TRIM48: variants seen among roughly 807,000 people sequenced by gnomAD.
TRIM48 encodes E3 ubiquitin-protein ligase TRIM48.
TRIM48 carries 31 observed loss-of-function variants against 29.5 expected under a neutral mutation model. The ratio of observed to expected loss-of-function variants is 1.05; its 90% CI spans 0.79 to 1.42. The LOEUF (loss-of-function observed/expected upper bound fraction) is 1.42, where lower values mean the gene tolerates loss of function less well. Among genes scored for constraint, TRIM48 ranks in the 40% most tolerant of loss-of-function variants. TRIM48 has a pLI of 0.00. For missense variants in TRIM48, 344 were observed against 265.0 expected (o/e 1.30, Z -2.07); for synonymous variants, 128 against 90.6 (o/e 1.41, Z -2.34).
intron 1 of TRIM48, among the ~76,000 whole-genome samples, chr11:55,263,861 G>T (rs1277201944): frequency 1.3e-5 from 2 of 152,162 alleles, no homozygotes; most frequent in Admixed American, 6.6e-5. Context: ...AAGGCTGAAA[G>T]CCTCAGAACC....
chr11:55,271,070 A>C lies in TRIM48; in HGVS notation c.*635A>C. 1.7e-6 allele frequency: 2 copies of C among 1,208,546 alleles called. No individual in the cohort carries two copies. Among genetic ancestry groups the C allele is most frequent in the Non-Finnish European group, 1.1e-6 (1 of 881,608 alleles). The allele number at this position is 1,208,546 out of a possible 1,614,324, so 74.9% of individuals were successfully genotyped here. ...TTGAATTGCATTCTAATGTTATTAA[A>C]ACTCATTTATTGTGTTACTATTAAA... On this transcript the variant is annotated 3_prime_UTR_variant, in exon 6 of 6. Coordinates refer to ENST00000417545, the MANE Select transcript of TRIM48 (RefSeq NM_024114.5).
At position 55,270,766 on chromosome 11, in the gene TRIM48, A is replaced by G. The variant is rs1857472306; in HGVS notation, c.*331A>G. On this transcript the variant is annotated 3_prime_UTR_variant, in exon 6 of 6. Coordinates refer to ENST00000417545, the MANE Select transcript of TRIM48 (RefSeq NM_024114.5). Reference sequence around the variant, plus strand: ...GTGCAGTCTCTTTACCACCTCCCCAATTACACTGCAGTATGTCCCAAGACC... The same window carrying G: ...GTGCAGTCTCTTTACCACCTCCCCAGTTACACTGCAGTATGTCCCAAGACC... 3.2e-6 allele frequency: 5 copies of G among 1,571,364 alleles called. No individual in the cohort carries two copies. Among genetic ancestry groups the G allele is most frequent in the Admixed American group, 3.4e-5 (2 of 58,270 alleles).
Position 55,270,980 on chromosome 11 carries a change from T to C in TRIM48, c.*545T>C. The stretch of plus-strand genomic sequence containing the variant: ...TGTGTTCATCTGCTGTGGGAACCCC[T>C]TTATCCCAGAAAGCCCTCTTCCTTG... On this transcript the variant is annotated 3_prime_UTR_variant, in exon 6 of 6. Coordinates refer to ENST00000417545, the MANE Select transcript of TRIM48 (RefSeq NM_024114.5). The C allele has an allele frequency of 2.6e-6, 4 of 1,524,692 alleles. No homozygotes were observed. The highest frequency in any genetic ancestry group is 1.5e-5 in the African/African-American group (1 of 67,838). The allele number at this position is 1,524,692 out of a possible 1,614,324, so 94.4% of individuals were successfully genotyped here.
At chr11:55,263,845 G>A (rs1237214899) in intron 1 of TRIM48, among the ~76,000 whole-genome samples, 1 of 152,164 alleles carries the variant, frequency 6.6e-6, no homozygotes, top group African/African-American at 2.4e-5. Flanking sequence ...TATCTTGACT[G>A]ATCTCAAGGC....
intron 3 of TRIM48, among the ~76,000 whole-genome samples, chr11:55,267,163 G>GT (rs3974158): frequency 0.017 from 2,411 of 146,036 alleles, 206 homozygotes; most frequent in African/African-American, 0.036. Flanking sequence ...TTCAAATTGT[G>GT]TTTTTTTTTA....
At chr11:55,266,010 C>T (rs1433207753) in intron 3 of TRIM48, among the ~76,000 whole-genome samples, 2 of 147,204 alleles carry the variant, frequency 1.4e-5, no homozygotes, top group Non-Finnish European at 3.0e-5. Flanking sequence ...TGGATAAATG[C>T]TGGGCATAAG....
At chr11:55,262,634 ATAT>A (rs1356154697) in intron 1 of TRIM48, among the ~76,000 whole-genome samples, 7 of 152,090 alleles carry the variant, frequency 4.6e-5, no homozygotes, top group Non-Finnish European at 8.8e-5. Context: ...GAGTGTATTA[ATAT>A]TATACAATTG....
In TRIM48 at chr11:55,268,694, T is replaced by C. The variant is rs181168779; in HGVS notation, c.578+322T>C. ...AAGCAGGAGAGAAGTGGGGGAAGTA[T>C]TTTAGCAGTGAAAAAGTTGATGATT... On this transcript the variant is annotated intron_variant, in intron 4 of 5. Transcript: ENST00000417545. 9.7e-4 allele frequency among the ~76,000 whole-genome samples: 144 copies of C among 147,902 alleles called. 11 individuals are homozygous for C. The highest frequency in any genetic ancestry group is 1.6e-3 in the Non-Finnish European group (107 of 66,934).
In TRIM48 at chr11:55,265,191, C is replaced by A. The variant is rs764608818; in HGVS notation, c.336C>A (p.His112Gln). Residue 112 changes from histidine (H) to glutamine (Q), a missense_variant, in exon 2 of 6, where the codon CAC becomes CAA. Coordinates refer to ENST00000417545, the MANE Select transcript of TRIM48 (RefSeq NM_024114.5). ...LSSEEQMCGIHRETKKMFCEV... is the reference protein window; with the variant it reads ...LSSEEQMCGIQRETKKMFCEV... ...CTGAGGAGCAAATGTGTGGCATTCA[C>A]AGGGAGACAAAGAAGATGTTCTGTG... The A allele has an allele frequency of 3.2e-6, 5 of 1,582,804 alleles. 2 individuals carry two copies. The South Asian group carries it at 6.0e-5, about 19-fold the overall frequency.
chr11:55,263,450 C>G (rs1010313779), intron 1 of TRIM48, among the ~76,000 whole-genome samples: 1 of 151,730 alleles, frequency 6.6e-6, no homozygotes, highest in African/African-American at 2.4e-5. Context: ...GCCGGGAGTT[C>G]AAGTCCAGCC....
In TRIM48 at chr11:55,270,668, G is replaced by A. The variant is rs542088830; in HGVS notation, c.*233G>A. On this transcript the variant is annotated 3_prime_UTR_variant, in exon 6 of 6. Transcript: ENST00000417545. Reference sequence around the variant, plus strand: ...GGTGTCTGTAATAAGTATTGGAAAGGGAAGAATCAGAATGGCAATATATAT... The same window carrying A: ...GGTGTCTGTAATAAGTATTGGAAAGAGAAGAATCAGAATGGCAATATATAT... 13 of 1,577,404 alleles carry A rather than the reference G, an allele frequency of 8.2e-6. 2 individuals are homozygous for A. The South Asian group carries it at 8.4e-5, about 10-fold the overall frequency.
chr11:55,264,001 G>T (rs191924904), intron 1 of TRIM48, among the ~76,000 whole-genome samples: 1 of 151,982 alleles, frequency 6.6e-6, no homozygotes, highest in Non-Finnish European at 1.5e-5. Context: ...CAACTCACAT[G>T]TCTCTCTCCT....
intron 1 of TRIM48, 52 bp downstream of exon 1, chr11:55,262,363 A>G: frequency 4.6e-6 from 6 of 1,311,084 alleles, no homozygotes; most frequent in Non-Finnish European, 6.4e-6. Context: ...TTACAAAATA[A>G]TAAATTAGAG....
chr11:55,264,589 AG>A (rs1443251138), intron 1 of TRIM48, among the ~76,000 whole-genome samples: 1 of 147,840 alleles, frequency 6.8e-6, no homozygotes, highest in Non-Finnish European at 1.5e-5. Context: ...AATTTATTCT[AG>A]GCTACTTAGA....
chr11:55,268,316 C>T lies in TRIM48; in HGVS notation c.556-34C>T. The T allele has an allele frequency of 1.3e-6, 2 of 1,501,500 alleles. 1 individual carries two copies. The highest frequency in any genetic ancestry group is 3.5e-5 in the Admixed American group (2 of 56,656). The allele number at this position is 1,501,500 out of a possible 1,614,324, so 93.0% of individuals were successfully genotyped here. ...CTTAATGAAAGATGCATCTTGTGAA[C>T]TGCACTAAATCTTTCTATTTTTTTT... On this transcript the variant is annotated intron_variant, in intron 3 of 5. Coordinates refer to ENST00000417545, the MANE Select transcript of TRIM48 (RefSeq NM_024114.5).
rs1185389245 is a variant in TRIM48 at position 55,264,996 on chromosome 11, G to T, written c.141G>T (p.Gly47=). 7.6e-6 allele frequency: 12 copies of T among 1,584,496 alleles called. 2 individuals carry two copies. The East Asian group carries it at 2.4e-4, about 32-fold the overall frequency. ...YFIDPVTIDC[G]HSFCRPCFYL... The stretch of plus-strand genomic sequence containing the variant: ...TAGACCCGGTCACCATAGACTGTGG[G>T]CACAGCTTTTGCAGGCCCTGTTTCT... Residue 47 remains glycine (G), a synonymous_variant, in exon 2 of 6, where the codon GGG becomes GGT. Coordinates refer to ENST00000417545, the MANE Select transcript of TRIM48 (RefSeq NM_024114.5).
At position 55,265,141 on chromosome 11, in the gene TRIM48, G is replaced by A. The variant is rs760624238; in HGVS notation, c.286G>A (p.Ala96Thr). ...GAAGATGGCTTCCCTTGCCAGAAAA[G>A]CCAGTCTCTGGCTATTCCTGAGCTC... ...LKKMASLARK[A>T]SLWLFLSSEE... Residue 96 changes from alanine (A) to threonine (T), a missense_variant, in exon 2 of 6, where the codon GCC becomes ACC. Transcript: ENST00000417545. 3 of 1,582,776 alleles carry A rather than the reference G, an allele frequency of 1.9e-6. No homozygotes were observed. The highest frequency in any genetic ancestry group is 2.4e-5 in the South Asian group (2 of 83,648).
intron 1 of TRIM48, among the ~76,000 whole-genome samples, chr11:55,263,351 CAAAACAAT>C (rs538978199): frequency 6.6e-6 from 1 of 151,916 alleles, no homozygotes; most frequent in African/African-American, 2.4e-5. Flanking sequence ...TCTATCATGT[CAAAACAAT>C]AAAACAATAA....
rs927660960 is a variant in TRIM48, at chr11:55,262,177, G to A, written c.-91G>A. On this transcript the variant is annotated 5_prime_UTR_variant, in exon 1 of 6. In the 5' UTR this introduces an upstream ATG that the reference lacks. Transcript: ENST00000417545. ...CTCAGTTTTCTCCAAAGGAGAAGGA[G>A]TGCACTTAGAGGGAGCTGTGTTTTG... 3.2e-5 allele frequency: 31 copies of A among 967,818 alleles called. No individual in the cohort carries two copies. The highest frequency in any genetic ancestry group is 4.9e-5 in the Non-Finnish European group (30 of 617,140). The allele number at this position is 967,818 out of a possible 1,614,324, so 60.0% of individuals were successfully genotyped here.
Sources: allele counts gnomAD v4.1 joint callset (sites outside exome capture counted in the v4.1 genomes callset), GRCh38; gene constraint gnomAD v4.1.1; transcripts MANE v1.5; gene names NCBI Gene and HGNC (gene_info 2026-07-23, HGNC 2026-07-21).